The following CNTN1 variants were observed in gnomAD, a reference collection of about 807,000 sequenced individuals.
The protein encoded by CNTN1 is contactin-1.
A neutral mutation model predicts 126.4 loss-of-function variants in CNTN1; 38 were observed. The ratio of observed to expected loss-of-function variants is 0.30; its 90% CI spans 0.23 to 0.39. The LOEUF (loss-of-function observed/expected upper bound fraction) is 0.39, where lower values mean the gene tolerates loss of function less well. Ranked by LOEUF, CNTN1 falls within the 10% of genes least tolerant of loss-of-function variation. The pLI is 1.00. For missense variants in CNTN1, 1,009 were observed against 1,248.4 expected (o/e 0.81, Z 2.89); for synonymous variants, 413 against 422.6 (o/e 0.98, Z 0.28).
chr12:40,832,213 C>T (rs1378094790), intron 1 of CNTN1, among the ~76,000 whole-genome samples: 2 of 152,120 alleles, frequency 1.3e-5, no homozygotes, highest in Non-Finnish European at 2.9e-5. Context: ...CAGATAAATT[C>T]TCAGCATTTC....
At chr12:41,067,645 T>G (rs367855505) in intron 23 of CNTN1, among the ~76,000 whole-genome samples, 2 of 146,704 alleles carry the variant, frequency 1.4e-5, no homozygotes, top group African/African-American at 2.5e-5. Flanking sequence ...AGGGATAGCA[T>G]TGGGAGATAT....
intron 14 of CNTN1, among the ~76,000 whole-genome samples, chr12:40,951,272 G>A (rs1946668868): frequency 1.3e-5 from 2 of 151,968 alleles, no homozygotes; most frequent in Admixed American, 1.3e-4. Context: ...TACAAAAATA[G>A]CCAAATTTAG....
intron 17 of CNTN1, among the ~76,000 whole-genome samples, chr12:41,007,979 T>A (rs751846477): frequency 2.0e-5 from 3 of 152,234 alleles, no homozygotes; most frequent in Non-Finnish European, 4.4e-5. Flanking sequence ...TCTCATTCAG[T>A]TACTTTCTGC....
intron 23 of CNTN1, among the ~76,000 whole-genome samples, chr12:41,030,801 A>G (rs1158431916): frequency 6.6e-6 from 1 of 151,988 alleles, no homozygotes; most frequent in Non-Finnish European, 1.5e-5. Flanking sequence ...TCACTGTACC[A>G]CTCTAATATT....
At chr12:40,984,995 T>G (rs1947920511) in intron 16 of CNTN1, among the ~76,000 whole-genome samples, 1 of 152,052 alleles carries the variant, frequency 6.6e-6, no homozygotes, top group Non-Finnish European at 1.5e-5. Flanking sequence ...CTCATTATTT[T>G]GGGGGAGTTT....
chr12:40,725,185 T>G (rs1448432204), intron 1 of CNTN1, among the ~76,000 whole-genome samples: 2 of 152,052 alleles, frequency 1.3e-5, no homozygotes, highest in Non-Finnish European at 2.9e-5. Context: ...GTGGATCACC[T>G]GAGGTTGGGA....
intron 23 of CNTN1, among the ~76,000 whole-genome samples, chr12:41,042,136 A>C (rs897849080): frequency 1.3e-5 from 2 of 152,108 alleles, no homozygotes; most frequent in African/African-American, 4.8e-5. Flanking sequence ...CGTTGGTTTC[A>C]AAGAACATCT....
chr12:40,793,327 A>G (rs1226444092), intron 1 of CNTN1, among the ~76,000 whole-genome samples: 4 of 152,066 alleles, frequency 2.6e-5, no homozygotes, highest in Admixed American at 6.6e-5. Context: ...TCCGGTGTCC[A>G]TATGCACATT....
intron 1 of CNTN1, among the ~76,000 whole-genome samples, chr12:40,723,150 G>T (rs747475706): frequency 6.6e-6 from 1 of 152,276 alleles, no homozygotes; most frequent in Non-Finnish European, 1.5e-5. Flanking sequence ...GAGGAGGTAG[G>T]CCGACTTCGC....
chr12:41,005,663 A>G (rs1948472567), intron 17 of CNTN1, among the ~76,000 whole-genome samples: 1 of 151,984 alleles, frequency 6.6e-6, no homozygotes, highest in Non-Finnish European at 1.5e-5. Context: ...TTATTTCAGA[A>G]AGCCAGTCTT....
At chr12:40,809,849 C>CACACA (rs1306559063) in intron 1 of CNTN1, among the ~76,000 whole-genome samples, 1 of 141,934 alleles carries the variant, frequency 7.0e-6, no homozygotes, top group Non-Finnish European at 1.6e-5. Flanking sequence ...CACACACACA[C>CACACA]AAAAGTCAAA....
At chr12:40,962,472 T>C (rs893775878) in intron 15 of CNTN1, among the ~76,000 whole-genome samples, 21 of 152,238 alleles carry the variant, frequency 1.4e-4, no homozygotes, top group Middle Eastern at 6.8e-3. Flanking sequence ...AGGAAAAATA[T>C]AGTCAATGGA....
intron 14 of CNTN1, among the ~76,000 whole-genome samples, chr12:40,952,575 A>G (rs1395349538): frequency 6.6e-6 from 1 of 151,500 alleles, no homozygotes; most frequent in Non-Finnish European, 1.5e-5. Flanking sequence ...ATTAGTGGCT[A>G]TAGTTATAGT....
At chr12:40,786,821 A>T (rs1179963212) in intron 1 of CNTN1, among the ~76,000 whole-genome samples, 1 of 152,130 alleles carries the variant, frequency 6.6e-6, no homozygotes, top group Admixed American at 6.6e-5. Flanking sequence ...TATCTAGAAG[A>T]TTCCATCTCT....
At chr12:40,799,225 T>C (rs1256377282) in intron 1 of CNTN1, among the ~76,000 whole-genome samples, 1 of 151,074 alleles carries the variant, frequency 6.6e-6, no homozygotes, top group Non-Finnish European at 1.5e-5. Context: ...GATGTATTAT[T>C]TGAAGTTTGT....
chr12:40,754,109 G>C (rs767095235), intron 1 of CNTN1, among the ~76,000 whole-genome samples: 1 of 151,998 alleles, frequency 6.6e-6, no homozygotes, highest in Non-Finnish European at 1.5e-5. Context: ...CTATAGATGT[G>C]TGTGCATATA....
At chr12:41,046,954 T>C (rs1592457376) in intron 23 of CNTN1, among the ~76,000 whole-genome samples, 2 of 150,492 alleles carry the variant, frequency 1.3e-5, no homozygotes, top group South Asian at 2.1e-4. Flanking sequence ...CTGCCCTATA[T>C]ACCTTGTCCC....
At chr12:41,057,189 A>C (rs1038110182) in intron 23 of CNTN1, among the ~76,000 whole-genome samples, 1 of 144,294 alleles carries the variant, frequency 6.9e-6, no homozygotes, top group South Asian at 2.1e-4. Flanking sequence ...AAATATTTAG[A>C]TATTTATATT....
chr12:40,723,130 G>A (rs1942261628), intron 1 of CNTN1, among the ~76,000 whole-genome samples: 1 of 152,154 alleles, frequency 6.6e-6, no homozygotes, highest in Non-Finnish European at 1.5e-5. Flanking sequence ...ACTGGCGGGA[G>A]CCTGGCACAG....
Sources: allele counts gnomAD v4.1 joint callset (sites outside exome capture counted in the v4.1 genomes callset), GRCh38; gene constraint gnomAD v4.1.1; transcripts MANE v1.5; gene names NCBI Gene and HGNC (gene_info 2026-07-23, HGNC 2026-07-21).